Variants in SHISA9 observed in about 807,000 individuals in gnomAD.
The protein encoded by SHISA9 is protein shisa-9.
Under a neutral mutation model 38.0 loss-of-function variants are expected in SHISA9, and 13 were observed. The ratio of observed to expected loss-of-function variants is 0.34; its 90% CI spans 0.22 to 0.54. The LOEUF (loss-of-function observed/expected upper bound fraction) is 0.54, where lower values mean the gene tolerates loss of function less well. Among genes scored for constraint, SHISA9 ranks in the 20% least tolerant of loss-of-function variants. The pLI is 0.91. For missense variants in SHISA9, 538 were observed against 575.8 expected (o/e 0.93, Z 0.67); for synonymous variants, 275 against 242.0 (o/e 1.14, Z -1.27).
chr16:13,134,202 T>A (rs1277189450), intron 2 of SHISA9, among the ~76,000 whole-genome samples: 1 of 152,212 alleles, frequency 6.6e-6, no homozygotes, highest in East Asian at 1.9e-4. Context: ...ACTTAACCTG[T>A]CTGGGTCTCA....
At chr16:13,265,829 A>C in the SHISA9 span, among the ~76,000 whole-genome samples, 13 of 152,076 alleles carry the variant, frequency 8.5e-5, no homozygotes, top group Non-Finnish European at 2.9e-5. Context: ...GGAAAAAAAA[A>C]ACAAGAATCT....
chr16:12,970,473 A>G (rs868437133), intron 2 of SHISA9, among the ~76,000 whole-genome samples: 1,372 of 17,948 alleles, frequency 0.076, 60 homozygotes, highest in South Asian at 0.094. Flanking sequence ...GTGTGTGTAT[A>G]TATATATATA....
chr16:13,129,259 A>G lies in SHISA9; in HGVS notation c.692-74135A>G, dbSNP rs150098639. On this transcript the variant is annotated intron_variant, in intron 2 of 4. Transcript: ENST00000558583. ...GAAGAAAAACAACCCCAAATTCTCA[A>G]TGCATGTATATAATTGATGTTTATT... Among the ~76,000 whole-genome samples, 1,133 of 152,320 alleles carry G rather than the reference A, an allele frequency of 7.4e-3. 12 individuals are homozygous for G. The highest frequency in any genetic ancestry group is 0.025 in the African/African-American group (1,052 of 41,578).
the SHISA9 span, among the ~76,000 whole-genome samples, chr16:13,337,846 T>C: frequency 6.6e-6 from 1 of 152,106 alleles, no homozygotes; most frequent in Non-Finnish European, 1.5e-5. Context: ...CTTCACTCTC[T>C]CTCTCCTGCT....
intron 2 of SHISA9, among the ~76,000 whole-genome samples, chr16:13,065,521 A>G (rs1159407796): frequency 6.6e-6 from 1 of 152,246 alleles, no homozygotes; most frequent in African/African-American, 2.4e-5. Flanking sequence ...ACTTGATATA[A>G]AAAATGATAA....
At chr16:13,506,931 T>C in the SHISA9 span, among the ~76,000 whole-genome samples, 3 of 152,174 alleles carry the variant, frequency 2.0e-5, no homozygotes, top group East Asian at 5.8e-4. Context: ...TAGTCCCAGC[T>C]ACTTGGGAGG....
chr16:13,366,982 C>CAAAAAAAAAAAA, the SHISA9 span, among the ~76,000 whole-genome samples: 1 of 92,534 alleles, frequency 1.1e-5, no homozygotes, highest in Admixed American at 1.1e-4. Flanking sequence ...GGCTCCATCT[C>CAAAAAAAAAAAA]AAAAAAAAAA....
Position 13,050,922 on chromosome 16 carries a change from A to G in SHISA9, c.691+134107A>G, listed in dbSNP as rs369878883. 5.9e-5 allele frequency among the ~76,000 whole-genome samples: 9 copies of G among 152,334 alleles called. No homozygotes were observed. In the East Asian group the frequency reaches 9.6e-4, roughly 16 times the overall value. ...GTCCTGGGTAAACCCCTATGCATAG[A>G]AGCAGTATAACAGTGTGTTCTGGAG... On this transcript the variant is annotated intron_variant, in intron 2 of 4. Coordinates refer to ENST00000558583, the MANE Select transcript of SHISA9 (RefSeq NM_001145204.3).
At chr16:13,276,888 C>T in the SHISA9 span, among the ~76,000 whole-genome samples, 1 of 151,866 alleles carries the variant, frequency 6.6e-6, no homozygotes, top group Non-Finnish European at 1.5e-5. Flanking sequence ...ACTGACTGTT[C>T]CTTTTACCAT....
At chr16:13,262,941 C>T in the SHISA9 span, among the ~76,000 whole-genome samples, 2 of 152,136 alleles carry the variant, frequency 1.3e-5, no homozygotes, top group Non-Finnish European at 2.9e-5. Context: ...GCACCTATGC[C>T]TTGCATTCCC....
chr16:13,409,386 TG>T, the SHISA9 span, among the ~76,000 whole-genome samples: 1 of 152,212 alleles, frequency 6.6e-6, no homozygotes, highest in Non-Finnish European at 1.5e-5. Flanking sequence ...TGCAGAAAGG[TG>T]GAGGGTCCAC....
chr16:13,442,997 T>C, the SHISA9 span, among the ~76,000 whole-genome samples: 2 of 152,112 alleles, frequency 1.3e-5, no homozygotes, highest in Non-Finnish European at 1.5e-5. Flanking sequence ...CTCCTTTAGT[T>C]TGAGAGACTT....
intron 2 of SHISA9, among the ~76,000 whole-genome samples, chr16:13,184,247 C>T (rs1295480005): frequency 5.9e-5 from 9 of 152,138 alleles, no homozygotes; most frequent in Admixed American, 3.3e-4. Flanking sequence ...TGTAAACGTC[C>T]TCACCTGCTT....
rs144372897 is a variant in SHISA9 at position 12,913,345 on chromosome 16, C to T, written c.564-3343C>T. ...CTGAGTAGCCGGGATTACAGGTGCC[C>T]ACCACCACGCCCAGCTAATTATTGT... On this transcript the variant is annotated intron_variant, in intron 1 of 4. Coordinates refer to ENST00000558583, the MANE Select transcript of SHISA9 (RefSeq NM_001145204.3). 3.8e-3 allele frequency among the ~76,000 whole-genome samples: 572 copies of T among 152,126 alleles called. 8 individuals are homozygous for T. The highest frequency in any genetic ancestry group is 0.013 in the African/African-American group (546 of 41,512).
chr16:13,156,398 C>G (rs1168358259), intron 2 of SHISA9, among the ~76,000 whole-genome samples: 1 of 152,148 alleles, frequency 6.6e-6, no homozygotes, highest in Non-Finnish European at 1.5e-5. Flanking sequence ...TGCACACAAT[C>G]CTGCCAACAC....
intron 2 of SHISA9, among the ~76,000 whole-genome samples, chr16:12,978,753 T>C (rs1021722231): frequency 6.6e-6 from 1 of 152,212 alleles, no homozygotes; most frequent in Non-Finnish European, 1.5e-5. Flanking sequence ...ATTTGTTTTC[T>C]TCCCATTGCA....
At chr16:13,275,891 C>G in the SHISA9 span, among the ~76,000 whole-genome samples, 1 of 151,710 alleles carries the variant, frequency 6.6e-6, no homozygotes, top group African/African-American at 2.4e-5. Flanking sequence ...TTCATCAATT[C>G]TGTTGAAATT....
At chr16:13,441,309 G>C in the SHISA9 span, among the ~76,000 whole-genome samples, 2 of 152,268 alleles carry the variant, frequency 1.3e-5, no homozygotes, top group African/African-American at 4.8e-5. Flanking sequence ...GAGGTTCCTG[G>C]AGTCACCAAA....
chr16:13,557,294 A>G, the SHISA9 span, among the ~76,000 whole-genome samples: 3 of 152,222 alleles, frequency 2.0e-5, no homozygotes, highest in South Asian at 6.2e-4. Context: ...CATCATAGAG[A>G]TGAATTCAGA....
Sources: gnomAD v4.1 joint callset for allele counts (sites outside exome capture counted in the v4.1 genomes callset) on GRCh38, gnomAD v4.1.1 for gene constraint, MANE v1.5 for transcripts, NCBI Gene and HGNC (gene_info 2026-07-23, HGNC 2026-07-21) for gene names.